OVCH2: variants seen among roughly 807,000 people sequenced by gnomAD.
OVCH2 encodes the protein ovochymase-2.
OVCH2 carries 88 observed loss-of-function variants against 73.7 expected under a neutral mutation model. The observed-to-expected ratio is 1.19, with a 90% CI of 1.01 to 1.43. OVCH2 has a LOEUF of 1.43. Ranked by LOEUF, OVCH2 falls within the 40% of genes most tolerant of loss-of-function variation. The pLI is 0.00. For synonymous variants in OVCH2, 265 were observed against 234.5 expected, an observed-to-expected ratio of 1.13 and a Z score of -1.19; for missense variants, 706 against 674.5, an observed-to-expected ratio of 1.05 and a Z score of -0.52.
the OVCH2 span, among the ~76,000 whole-genome samples, chr11:7,680,465 C>T: frequency 2.0e-5 from 3 of 152,004 alleles, no homozygotes; most frequent in Admixed American, 1.3e-4. Flanking sequence ...CTCAATTATC[C>T]GGGTGGGCCT....
downstream of OVCH2, among the ~76,000 whole-genome samples, chr11:7,688,712 C>G (rs760163544): frequency 5.3e-5 from 8 of 152,176 alleles, no homozygotes; most frequent in Non-Finnish European, 8.8e-5. Context: ...AAAAGTTTCC[C>G]CACCTCATCT....
chr11:7,689,551 G>A lies in OVCH2; in HGVS notation c.*83C>T, dbSNP rs919411322. On this transcript the variant is annotated 3_prime_UTR_variant, in exon 16 of 16. Transcript: ENST00000533663. The stretch of plus-strand genomic sequence containing the variant: ...GGCTGTGACGAGGAGTCTGCCCCAA[G>A]CCTCTCCTCTAGCTTCTGGTGGTTT... The A allele has an allele frequency of 8.8e-6, 4 of 452,266 alleles. No individual in the cohort carries two copies. The highest frequency in any genetic ancestry group is 1.8e-5 in the Non-Finnish European group (4 of 225,136). The allele number at this position is 452,266 out of a possible 1,614,324, so 28.0% of individuals were successfully genotyped here.
At chr11:7,679,067 C>T in the OVCH2 span, among the ~76,000 whole-genome samples, 1 of 151,994 alleles carries the variant, frequency 6.6e-6, no homozygotes, top group Non-Finnish European at 1.5e-5. Flanking sequence ...TATAAATGAC[C>T]ATTTCTTAGG....
At chr11:7,700,104 A>C in intron 7 of OVCH2, 192 bp downstream of exon 7, 2 of 582,296 alleles carry the variant, frequency 3.4e-6, no homozygotes, top group East Asian at 5.7e-5. Flanking sequence ...GAATATCTGC[A>C]TGCTGCTCCA....
At chr11:7,678,951 C>G in the OVCH2 span, among the ~76,000 whole-genome samples, 1 of 152,196 alleles carries the variant, frequency 6.6e-6, no homozygotes, top group Non-Finnish European at 1.5e-5. Flanking sequence ...AAAAGGCAAA[C>G]ATTTTTTTTA....
the OVCH2 span, among the ~76,000 whole-genome samples, chr11:7,681,647 C>T: frequency 1.2e-4 from 18 of 150,602 alleles, no homozygotes; most frequent in South Asian, 2.1e-4. Flanking sequence ...TCTTTATAAA[C>T]GGCATCTGTT....
At chr11:7,700,107 C>G (rs1856406541) in intron 7 of OVCH2, 189 bp downstream of exon 7, 1 of 589,006 alleles carries the variant, frequency 1.7e-6, no homozygotes, top group South Asian at 2.5e-5. Context: ...TATCTGCATG[C>G]TGCTCCACAT....
chr11:7,700,990 A>C (rs1294336193), intron 6 of OVCH2, among the ~76,000 whole-genome samples: 1 of 152,200 alleles, frequency 6.6e-6, no homozygotes, highest in Non-Finnish European at 1.5e-5. Context: ...TGCTAAAAAC[A>C]GATTGTTTCC....
rs1856383376 is a variant in OVCH2, at chr11:7,698,873, A to C, written c.902-100T>G. 6 of 1,261,772 alleles carry C rather than the reference A, an allele frequency of 4.8e-6. No individual in the cohort carries two copies. The South Asian group carries it at 6.7e-5, about 14-fold the overall frequency. The allele number at this position is 1,261,772 out of a possible 1,614,324, so 78.2% of individuals were successfully genotyped here. On this transcript the variant is annotated intron_variant, in intron 7 of 15. Coordinates refer to ENST00000533663, the MANE Select transcript of OVCH2 (RefSeq NM_198185.7). ...TTGGCGCACAAGAGATTTTTAAGTCAATATGCAACTAATAAAAATCTTATC... is the reference window on the plus strand; with the variant it reads ...TTGGCGCACAAGAGATTTTTAAGTCCATATGCAACTAATAAAAATCTTATC...
Position 7,691,257 on chromosome 11 carries a change from C to CT in OVCH2, c.1639+11dup. On this transcript the variant is annotated intron_variant, in intron 14 of 15. Transcript: ENST00000533663. ...ACTGGGAACCAAAGAGTTGGTAACTCTATCTTCTTACCTGCTTTAGGAATG... is the reference window on the plus strand; with the variant it reads ...ACTGGGAACCAAAGAGTTGGTAACTCTTATCTTCTTACCTGCTTTAGGAATG... 1 of 1,597,486 alleles carries CT rather than the reference C, an allele frequency of 6.3e-7. No individual in the cohort carries two copies. The highest frequency in any genetic ancestry group is 8.5e-7 in the Non-Finnish European group (1 of 1,171,728).
the OVCH2 span, among the ~76,000 whole-genome samples, chr11:7,683,747 C>T: frequency 6.6e-6 from 1 of 152,178 alleles, no homozygotes. Flanking sequence ...GGCTGGCTTT[C>T]GTATATATCA....
chr11:7,705,575 C>T (rs1233820828), intron 1 of OVCH2: 1 of 152,182 alleles, frequency 6.6e-6, no homozygotes. Context: ...AAATGAAGCA[C>T]TGTTATCCCC....
At chr11:7,694,964 T>A in intron 12 of OVCH2, 94 bp downstream of exon 12, 1 of 1,403,932 alleles carries the variant, frequency 7.1e-7, no homozygotes, top group Non-Finnish European at 9.6e-7. Flanking sequence ...AACACAGCAG[T>A]GAATAAATCA....
chr11:7,701,366 A>G lies in OVCH2; in HGVS notation c.669T>C (p.Phe223=). The G allele has an allele frequency of 6.2e-7, 1 of 1,613,336 alleles. No individual in the cohort carries two copies. The highest frequency in any genetic ancestry group is 8.5e-7 in the Non-Finnish European group (1 of 1,179,692). The stretch of plus-strand genomic sequence containing the variant: ...CTCCATCAGGAAAACCTGTGCAAAG[A>G]AAGGTCTTCCCACTGATGGGCCTCT... The part of the protein sequence containing the change: ...TLKRPISGKT[F]LCTGFPDGGR... Residue 223 remains phenylalanine (F), a synonymous_variant, in exon 6 of 16, where the codon TTT becomes TTC. Coordinates refer to ENST00000533663, the MANE Select transcript of OVCH2 (RefSeq NM_198185.7).
chr11:7,695,691 G>A lies in OVCH2; in HGVS notation c.1161C>T (p.Ser387=). ...DRPIGKFCGE[S]LPSSILIGSN... is the part of the protein sequence containing the mutation. ...AGCCAATAAGAATGGATGAAGGGAG[G>A]CTTTCTCCACAAAATTTTCCTGCAG... The change falls in exon 11 of 16, where the codon AGC becomes AGT. Residue 387 remains serine (S), a synonymous_variant. Transcript: ENST00000533663. 1.2e-6 allele frequency: 2 copies of A among 1,611,896 alleles called. No individual in the cohort carries two copies. The highest frequency in any genetic ancestry group is 2.2e-5 in the South Asian group (2 of 90,650).
rs755789139 is a variant in OVCH2 at position 7,695,747 on chromosome 11, C to T, written c.1142-37G>A. 3.8e-6 allele frequency: 6 copies of T among 1,570,808 alleles called. No homozygotes were observed. In the South Asian group the frequency reaches 7.0e-5, roughly 18 times the overall value. Reference sequence around the variant, plus strand: ...GAAAAAAGGATTCTTTGTTCAGAATCTAGAAAATAGTTCCCATTCAATGAT... The same window carrying T: ...GAAAAAAGGATTCTTTGTTCAGAATTTAGAAAATAGTTCCCATTCAATGAT... On this transcript the variant is annotated intron_variant, in intron 10 of 15. Transcript: ENST00000533663.
At position 7,701,815 on chromosome 11, in the gene OVCH2, A is replaced by C; in HGVS notation, c.464-4T>G. 1 of 1,606,306 alleles carries C rather than the reference A, an allele frequency of 6.2e-7. No homozygotes were observed. Among genetic ancestry groups the C allele is most frequent in the Non-Finnish European group, 8.5e-7 (1 of 1,176,190 alleles). ...CATATGGGCCCCACAAAGTGGCCTG[A>C]AGAAAAGAGCAAGGTAGGGCTTGTC... On this transcript the variant is annotated splice_region_variant and splice_polypyrimidine_tract_variant and intron_variant, in intron 4 of 15. Transcript: ENST00000533663.
intron 3 of OVCH2, 72 bp downstream of exon 3, chr11:7,703,626 G>A (rs3924748): frequency 0.33 from 401,243 of 1,200,666 alleles, 72,895 homozygotes; most frequent in Non-Finnish European, 0.38. Flanking sequence ...GTTTTAATAG[G>A]GTTATTGCTG....
rs774991933 is a variant in OVCH2, at chr11:7,695,056, A to G, written c.1413+2T>C. 11 of 1,549,198 alleles carry G rather than the reference A, an allele frequency of 7.1e-6. No homozygotes were observed. The highest frequency in any genetic ancestry group is 8.7e-6 in the Non-Finnish European group (10 of 1,146,430). ...CTACGTAAGGACAGCCAAAGTCAAT[A>G]CCTTAATTAGGTGATGTTTGGAGGC... On this transcript the variant is annotated splice_donor_variant, in intron 12 of 15. Coordinates refer to ENST00000533663, the MANE Select transcript of OVCH2 (RefSeq NM_198185.7). LOFTEE classifies it high-confidence loss of function.
Sources: gnomAD v4.1 joint callset for allele counts (sites outside exome capture counted in the v4.1 genomes callset) on GRCh38, gnomAD v4.1.1 for gene constraint, MANE v1.5 for transcripts, NCBI Gene and HGNC (gene_info 2026-07-23, HGNC 2026-07-21) for gene names.